The following FOXJ1 variants were observed in gnomAD, a reference collection of about 807,000 sequenced individuals.
FOXJ1 encodes forkhead box J1, also known as forkhead box protein J1.
A neutral mutation model predicts 29.3 loss-of-function variants in FOXJ1; 8 were observed. The ratio of observed to expected loss-of-function variants is 0.27; its 90% CI spans 0.16 to 0.49. FOXJ1 has a LOEUF of 0.49. Ranked by LOEUF, FOXJ1 falls within the 20% of genes least tolerant of loss-of-function variation. The probability of loss-of-function intolerance (pLI) is 0.98; values close to 1 mark genes in which losing one functional copy is unlikely to be tolerated. For synonymous variants in FOXJ1, 280 were observed against 278.7 expected (o/e 1.00, Z -0.05); for missense variants, 539 against 595.5 (o/e 0.91, Z 0.99).
At position 76,140,388 on chromosome 17, in the gene FOXJ1, TCCG is replaced by T; in HGVS notation, c.5_7del (p.Ala2del). 6.8e-7 allele frequency: 1 copy of T among 1,471,676 alleles called. No homozygotes were observed. The highest frequency in any genetic ancestry group is 8.9e-7 in the Non-Finnish European group (1 of 1,120,882). The allele number at this position is 1,471,676 out of a possible 1,614,324, so 91.2% of individuals were successfully genotyped here. ...GGCTCCCGAGAGGCGCAGCCAGCTCTCCGCCATGTCTGCGGGGACTCTCCGAGG... is the reference window on the plus strand; with the variant it reads ...GGCTCCCGAGAGGCGCAGCCAGCTCTCCATGTCTGCGGGGACTCTCCGAGG... On this transcript the variant is annotated inframe_deletion, in exon 2 of 3. Coordinates refer to ENST00000322957, the MANE Select transcript of FOXJ1 (RefSeq NM_001454.4). This position sits in a 1 kb window ranked among gnomAD's most constrained non-coding sequence, Gnocchi z 8.0.
intron 2 of FOXJ1, 61 bp from the exon 3 acceptor site, chr17:76,138,181 G>T: frequency 6.4e-7 from 1 of 1,560,302 alleles, no homozygotes; most frequent in Non-Finnish European, 8.8e-7. Flanking sequence ...ACGGGGAGAT[G>T]AAATGGCACC....
chr17:76,138,240 G>C (rs1206426276), intron 2 of FOXJ1, 120 bp from the exon 3 acceptor site: 11 of 1,110,642 alleles, frequency 9.9e-6, no homozygotes, highest in African/African-American at 1.6e-5. Flanking sequence ...GGAGAGGAGG[G>C]GGGGACAGAC....
In FOXJ1 at chr17:76,140,375, G is replaced by A. The variant is rs1356198495; in HGVS notation, c.21C>T (p.Arg7=). ...CCTCCGCCGGCCCGGCTCCCGAGAG[G>A]CGCAGCCAGCTCTCCGCCATGTCTG... is the stretch of plus-strand genomic sequence containing the variant. MAESWL[R]LSGAGPAEEA... The change falls in exon 2 of 3, where the codon CGC becomes CGT. Residue 7 remains arginine (R), a synonymous_variant. Coordinates refer to ENST00000322957, the MANE Select transcript of FOXJ1 (RefSeq NM_001454.4). This position sits in a 1 kb window ranked among gnomAD's most constrained non-coding sequence, Gnocchi z 8.0. 6.7e-7 allele frequency: 1 copy of A among 1,485,324 alleles called. No homozygotes were observed. Among genetic ancestry groups the A allele is most frequent in the Non-Finnish European group, 8.9e-7 (1 of 1,125,734 alleles). The allele number at this position is 1,485,324 out of a possible 1,614,324, so 92.0% of individuals were successfully genotyped here.
In FOXJ1 at chr17:76,140,419, G is replaced by C; in HGVS notation, c.-24C>G. 7.1e-7 allele frequency: 1 copy of C among 1,414,386 alleles called. No individual in the cohort carries two copies. Among genetic ancestry groups the C allele is most frequent in the East Asian group, 3.0e-5 (1 of 33,566 alleles). 87.6% of individuals were successfully genotyped at this position (1,414,386 alleles called of 1,614,324 possible). ...ATGTCTGCGGGGACTCTCCGAGGGG[G>C]CGGTCAGCATCCACGGGCTGAGCCG... On this transcript the variant is annotated 5_prime_UTR_variant, in exon 2 of 3. Coordinates refer to ENST00000322957, the MANE Select transcript of FOXJ1 (RefSeq NM_001454.4). This position sits in a 1 kb window ranked among gnomAD's most constrained non-coding sequence, Gnocchi z 8.0.
At position 76,140,377 on chromosome 17, in the gene FOXJ1, G is replaced by T. The variant is rs1399024185; in HGVS notation, c.19C>A (p.Arg7Ser). MAESWL[R>S]LSGAGPAEEA... ...TCCGCCGGCCCGGCTCCCGAGAGGCGCAGCCAGCTCTCCGCCATGTCTGCG... is the reference window on the plus strand; with the variant it reads ...TCCGCCGGCCCGGCTCCCGAGAGGCTCAGCCAGCTCTCCGCCATGTCTGCG... Residue 7 changes from arginine to serine, a missense_variant, in exon 2 of 3, where the codon CGC becomes AGC. Physicochemically the swap from Arg to Ser is moderately radical, Grantham distance 110. Transcript: ENST00000322957. The surrounding 1 kb of genome is among the most constrained non-coding windows in gnomAD (Gnocchi z 8.0). 2 of 1,483,434 alleles carry T rather than the reference G, an allele frequency of 1.3e-6. No homozygotes were observed. The highest frequency in any genetic ancestry group is 1.3e-5 in the South Asian group (1 of 77,402). 91.9% of individuals were successfully genotyped at this position (1,483,434 alleles called of 1,614,324 possible). A position where few individuals can be genotyped will look rare whatever the true frequency, so the allele number is the denominator to read the frequency against.
chr17:76,140,243 G>T lies in FOXJ1; in HGVS notation c.153C>A (p.Ala51=). 1 of 1,464,946 alleles carries T rather than the reference G, an allele frequency of 6.8e-7. No homozygotes were observed. Among genetic ancestry groups the T allele is most frequent in the Non-Finnish European group, 8.9e-7 (1 of 1,119,452 alleles). The allele number at this position is 1,464,946 out of a possible 1,614,324, so 90.7% of individuals were successfully genotyped here. A position where few individuals can be genotyped will look rare whatever the true frequency, so the allele number is the denominator to read the frequency against. The change falls in exon 2 of 3, where the codon GCC becomes GCA. Residue 51 remains alanine (A), a synonymous_variant. Transcript: ENST00000322957. This position sits in a 1 kb window ranked among gnomAD's most constrained non-coding sequence, Gnocchi z 8.0. ...EFSILNAKAP[A]LPPGGTDPHG... ...GGGGGTCGGTGCCCCCCGGGGGCAGGGCGGGGGCCTTGGCGTTGAGAATGG... is the reference window on the plus strand; with the variant it reads ...GGGGGTCGGTGCCCCCCGGGGGCAGTGCGGGGGCCTTGGCGTTGAGAATGG...
Position 76,137,292 on chromosome 17 carries a change from TGGG to T in FOXJ1, c.*58_*60del. 6 of 1,373,814 alleles carry T rather than the reference TGGG, an allele frequency of 4.4e-6. No individual in the cohort carries two copies. The highest frequency in any genetic ancestry group is 3.2e-5 in the South Asian group (2 of 62,636). The allele number at this position is 1,373,814 out of a possible 1,614,324, so 85.1% of individuals were successfully genotyped here. ...TGGTGGGGTGTCTGTGGACCTGTGT[TGGG>T]GGGCAGTTCTGGACCCTGACTTGGG... On this transcript the variant is annotated 3_prime_UTR_variant, in exon 3 of 3. Transcript: ENST00000322957. The surrounding 1 kb of genome is among the most constrained non-coding windows in gnomAD (Gnocchi z 9.5).
rs2068484878 is a variant in FOXJ1, at chr17:76,137,232, C to A, written c.*121G>T. The stretch of plus-strand genomic sequence containing the variant: ...GCTGGTGGCCATGTGGCCTCTGGGG[C>A]AAGCCTTGGAGCCCTGGCCCAGCCC... On this transcript the variant is annotated 3_prime_UTR_variant, in exon 3 of 3. Coordinates refer to ENST00000322957, the MANE Select transcript of FOXJ1 (RefSeq NM_001454.4). The surrounding 1 kb of genome is among the most constrained non-coding windows in gnomAD (Gnocchi z 9.5). The A allele has an allele frequency of 3.3e-6, 3 of 911,604 alleles. No individual in the cohort carries two copies. The highest frequency in any genetic ancestry group is 4.6e-6 in the Non-Finnish European group (3 of 659,336). 56.5% of individuals were successfully genotyped at this position (911,604 alleles called of 1,614,324 possible).
intron 2 of FOXJ1, among the ~76,000 whole-genome samples, chr17:76,138,983 C>T (rs1160227822): frequency 6.6e-6 from 1 of 152,214 alleles, no homozygotes; most frequent in Admixed American, 6.5e-5. Context: ...TCTTAGGGCA[C>T]TGCCTACCCA....
intron 2 of FOXJ1, among the ~76,000 whole-genome samples, chr17:76,138,643 G>C (rs559359832): frequency 6.6e-6 from 1 of 152,078 alleles, no homozygotes; most frequent in East Asian, 1.9e-4. Context: ...TTGTTGAGCC[G>C]GCTGCTGGCC....
chr17:76,140,295 G>C lies in FOXJ1; in HGVS notation c.101C>G (p.Thr34Ser). The C allele has an allele frequency of 1.3e-6, 2 of 1,490,424 alleles. No homozygotes were observed. The highest frequency in any genetic ancestry group is 1.8e-6 in the Non-Finnish European group (2 of 1,131,148). 92.3% of individuals were successfully genotyped at this position (1,490,424 alleles called of 1,614,324 possible). The part of the protein sequence containing the change: ...EEPDALDDSL[T>S]SLQWLQEFSI... ...GAATTCCTGCAGCCACTGCAGGCTG[G>C]TCAGGCTGTCATCCAGGGCGTCGGG... The change falls in exon 2 of 3, where the codon ACC becomes AGC. Residue 34 changes from threonine (T) to serine (S), a missense_variant. By Grantham distance (58) the Thr-to-Ser change is moderately conservative. This residue lies in a region of FOXJ1 where 59 missense variants were observed against 47.5 expected (regional missense o/e 1.24). Transcript: ENST00000322957. The surrounding 1 kb of genome is among the most constrained non-coding windows in gnomAD (Gnocchi z 8.0).
In FOXJ1 at chr17:76,140,091, G is replaced by T. The variant is rs1164646092; in HGVS notation, c.305C>A (p.Pro102Gln). Residue 102 changes from proline to glutamine, a missense_variant, in exon 2 of 3, where the codon CCG becomes CAG. Pro to Gln is a moderately conservative substitution (Grantham distance 76, BLOSUM62 -1). Coordinates refer to ENST00000322957, the MANE Select transcript of FOXJ1 (RefSeq NM_001454.4). This position sits in a 1 kb window ranked among gnomAD's most constrained non-coding sequence, Gnocchi z 8.0. ...TSSCTSRSAP[P>Q]GLQAPPPDDV... ...GTCGGGGGGTGGGGCCTGCAGCCCCGGGGGCGCGCTCCGCGACGTGCACGA... is the reference window on the plus strand; with the variant it reads ...GTCGGGGGGTGGGGCCTGCAGCCCCTGGGGCGCGCTCCGCGACGTGCACGA... 1 of 1,603,054 alleles carries T rather than the reference G, an allele frequency of 6.2e-7. No individual in the cohort carries two copies. The highest frequency in any genetic ancestry group is 1.7e-5 in the Admixed American group (1 of 59,858).
At position 76,140,363 on chromosome 17, in the gene FOXJ1, G is replaced by A. The variant is rs140787309; in HGVS notation, c.33C>T (p.Ala11=). Residue 11 remains alanine, a synonymous_variant, in exon 2 of 3, where the codon GCC becomes GCT. Transcript: ENST00000322957. This position sits in a 1 kb window ranked among gnomAD's most constrained non-coding sequence, Gnocchi z 8.0. MAESWLRLSG[A]GPAEEAGPEG... is the part of the protein sequence containing the mutation. Reference sequence around the variant, plus strand: ...CCGGCCCGGCCTCCTCCGCCGGCCCGGCTCCCGAGAGGCGCAGCCAGCTCT... The same window carrying A: ...CCGGCCCGGCCTCCTCCGCCGGCCCAGCTCCCGAGAGGCGCAGCCAGCTCT... 1,644 of 1,492,608 alleles carry A rather than the reference G, an allele frequency of 1.1e-3. 22 individuals are homozygous for A. In the African/African-American group the frequency reaches 0.02, roughly 18 times the overall value. The allele number at this position is 1,492,608 out of a possible 1,614,324, so 92.5% of individuals were successfully genotyped here.
Position 76,138,134 on chromosome 17 carries a change from G to T in FOXJ1, c.499-14C>A. On this transcript the variant is annotated splice_polypyrimidine_tract_variant and intron_variant, in intron 2 of 2. Transcript: ENST00000322957. Reference sequence around the variant, plus strand: ...GCGGATTGAATTCTGGGTGCAGGGAGAGAGCAAGAGAGAGAGGAACCGCTA... The same window carrying T: ...GCGGATTGAATTCTGGGTGCAGGGATAGAGCAAGAGAGAGAGGAACCGCTA... The T allele has an allele frequency of 1.2e-6, 2 of 1,612,966 alleles. No individual in the cohort carries two copies. Among genetic ancestry groups the T allele is most frequent in the Non-Finnish European group, 1.7e-6 (2 of 1,179,740 alleles).
At position 76,140,667 on chromosome 17, in the gene FOXJ1, C is replaced by A. The variant is rs977023558; in HGVS notation, c.-169-103G>T. The A allele has an allele frequency of 6.5e-5, 27 of 418,516 alleles. No individual in the cohort carries two copies. The highest frequency in any genetic ancestry group is 2.3e-4 in the Admixed American group (5 of 21,972). The allele number at this position is 418,516 out of a possible 1,614,324, so 25.9% of individuals were successfully genotyped here. A position where few individuals can be genotyped will look rare whatever the true frequency, so the allele number is the denominator to read the frequency against. ...CATCATCCCCGCAGCTGGGGAGGATCTTTTAGTGCCGAGGTATGGGAAACA... is the reference window on the plus strand; with the variant it reads ...CATCATCCCCGCAGCTGGGGAGGATATTTTAGTGCCGAGGTATGGGAAACA... On this transcript the variant is annotated intron_variant, in intron 1 of 2. Coordinates refer to ENST00000322957, the MANE Select transcript of FOXJ1 (RefSeq NM_001454.4). This position sits in a 1 kb window ranked among gnomAD's most constrained non-coding sequence, Gnocchi z 8.0.
chr17:76,138,206 A>G (rs2144762588), intron 2 of FOXJ1, 86 bp from the exon 3 acceptor site: 1 of 1,406,476 alleles, frequency 7.1e-7, no homozygotes, highest in Non-Finnish European at 9.8e-7. Flanking sequence ...GCTGCTGCGC[A>G]CCCCCCATCT....
intron 2 of FOXJ1, among the ~76,000 whole-genome samples, chr17:76,138,575 GGA>G (rs201430660): frequency 1.7e-3 from 252 of 151,474 alleles, no homozygotes; most frequent in African/African-American, 5.5e-3. Flanking sequence ...AGAGGAAGGG[GGA>G]GAGAGAGAGA....
rs2068503858 is a variant in FOXJ1, at chr17:76,139,863, G to A, written c.498+35C>T. 1 of 1,559,424 alleles carries A rather than the reference G, an allele frequency of 6.4e-7. No homozygotes were observed. The highest frequency in any genetic ancestry group is 8.7e-7 in the Non-Finnish European group (1 of 1,152,050). Reference sequence around the variant, plus strand: ...GCAGCGTGGGGAGCGAGGAGGGAATGGGGAGGGAGCGGCCGCCGCCCGTGC... The same window carrying A: ...GCAGCGTGGGGAGCGAGGAGGGAATAGGGAGGGAGCGGCCGCCGCCCGTGC... On this transcript the variant is annotated intron_variant, in intron 2 of 2. Transcript: ENST00000322957. The surrounding 1 kb of genome is among the most constrained non-coding windows in gnomAD (Gnocchi z 6.6).
chr17:76,138,913 T>A (rs2068498100), intron 2 of FOXJ1, among the ~76,000 whole-genome samples: 1 of 151,796 alleles, frequency 6.6e-6, no homozygotes, highest in East Asian at 1.9e-4. Flanking sequence ...CAGGGAAGAG[T>A]CTGGGCGTCC....
Sources: gnomAD v4.1 joint callset for allele counts (sites outside exome capture counted in the v4.1 genomes callset) on GRCh38, gnomAD v4.1.1 for gene constraint, gnomAD v4.1.1 regional missense constraint, Gnocchi (gnomAD v3.1) non-coding constraint, MANE v1.5 for transcripts, NCBI Gene and HGNC (gene_info 2026-07-23, HGNC 2026-07-21) for gene names.